The following WIPF1 variants were observed in gnomAD, a reference collection of about 807,000 sequenced individuals.
The protein encoded by WIPF1 is WAS/WASL interacting protein family member 1.
A neutral mutation model predicts 35.4 loss-of-function variants in WIPF1; 13 were observed. That is an observed-to-expected ratio of 0.37 (90% CI 0.24 to 0.58). WIPF1 has a LOEUF of 0.58. WIPF1 is among the 20% of genes least tolerant of loss of function. WIPF1 has a pLI of 0.74. For synonymous variants in WIPF1, 267 were observed against 266.3 expected, an observed-to-expected ratio of 1.00 and a Z score of -0.02; for missense variants, 591 against 667.0, an observed-to-expected ratio of 0.89 and a Z score of 1.25.
At chr2:174,637,347 T>C (rs991334501) in intron 1 of WIPF1, among the ~76,000 whole-genome samples, 20 of 152,258 alleles carry the variant, frequency 1.3e-4, no homozygotes, top group African/African-American at 4.8e-4. Context: ...TTTCTTTTTT[T>C]GTTTTGTTTT....
intron 1 of WIPF1, among the ~76,000 whole-genome samples, chr2:174,679,444 A>G (rs1688205805): frequency 6.6e-6 from 1 of 151,430 alleles, no homozygotes; most frequent in South Asian, 2.1e-4. Context: ...CTCCAGCCTG[A>G]GCAACAGAGT....
rs779554096 is a variant in WIPF1 at position 174,581,444 on chromosome 2, A to AATC, written c.52-6_52-5insGAT. On this transcript the variant is annotated splice_region_variant and splice_polypyrimidine_tract_variant and intron_variant, in intron 2 of 7. Coordinates refer to ENST00000679041, the MANE Select transcript of WIPF1 (RefSeq NM_001375834.1). ...GGTAGGCTTCTCTGTATTGGCCTGA[A>AATC]AGGGAGCCATACAAACAAGTAGTCA... is the stretch of plus-strand genomic sequence containing the variant. 1.9e-6 allele frequency: 3 copies of AATC among 1,613,084 alleles called. No homozygotes were observed. In the South Asian group the frequency reaches 3.3e-5, roughly 18 times the overall value.
intron 7 of WIPF1, among the ~76,000 whole-genome samples, chr2:174,564,855 T>G (rs1006726898): frequency 7.8e-6 from 1 of 128,836 alleles, no homozygotes. Context: ...ACACACACCA[T>G]TCAAAGATAT....
In WIPF1 at chr2:174,595,109, A is replaced by AATATATATATATATATAT. The variant is rs1158052520; in HGVS notation, c.-39+2474_-39+2491dup. On this transcript the variant is annotated intron_variant, in intron 1 of 7. Transcript: ENST00000679041. The stretch of plus-strand genomic sequence containing the variant: ...TCTACAAAAAAAAAAAAAAAAAAAA[A>AATATATATATATATATAT]ATATATATATATATATATATATATA... Among the ~76,000 whole-genome samples, 4 of 57,750 alleles carry AATATATATATATATATAT rather than the reference A, an allele frequency of 6.9e-5. 1 individual carries two copies. The highest frequency in any genetic ancestry group is 9.0e-5 in the African/African-American group (1 of 11,152). 37.9% of individuals were successfully genotyped at this position (57,750 alleles called of 152,430 possible). A position where few individuals can be genotyped will look rare whatever the true frequency, so the allele number is the denominator to read the frequency against.
intron 1 of WIPF1, among the ~76,000 whole-genome samples, chr2:174,675,348 T>G (rs1285242259): frequency 1.3e-5 from 2 of 149,760 alleles, no homozygotes; most frequent in Non-Finnish European, 2.9e-5. Context: ...CAATGTAATT[T>G]TTATTTTTAT....
chr2:174,595,109 A>AATATATATATATAT (rs1158052520), intron 1 of WIPF1, among the ~76,000 whole-genome samples: 5 of 57,752 alleles, frequency 8.7e-5, no homozygotes, highest in African/African-American at 2.7e-4. Flanking sequence ...AAAAAAAAAA[A>AATATATATATATAT]ATATATATAT....
intron 5 of WIPF1, 66 bp from the exon 6 acceptor site, chr2:174,568,139 G>C: frequency 6.6e-7 from 1 of 1,513,684 alleles, no homozygotes; most frequent in Non-Finnish European, 8.9e-7. Flanking sequence ...GGTCACCATT[G>C]GTGTACAGCT....
At chr2:174,601,490 A>AG (rs968319350), upstream of WIPF1, among the ~76,000 whole-genome samples, 12 of 152,184 alleles carry the variant, frequency 7.9e-5, no homozygotes, top group Admixed American at 5.2e-4. Flanking sequence ...TCAGAAAGGA[A>AG]GGGGGGGAAA....
At chr2:174,606,166 A>C (rs1686156662) in intron 1 of WIPF1, among the ~76,000 whole-genome samples, 1 of 152,162 alleles carries the variant, frequency 6.6e-6, no homozygotes, top group African/African-American at 2.4e-5. Context: ...CCTTTTTTCT[A>C]GATCAGCACT....
intron 5 of WIPF1, among the ~76,000 whole-genome samples, chr2:174,569,511 C>T (rs1684766167): frequency 1.3e-5 from 2 of 152,186 alleles, no homozygotes; most frequent in African/African-American, 4.8e-5. Flanking sequence ...TACGTAACTT[C>T]ATCTCATTTT....
chr2:174,595,140 A>ATATATATATAT (rs1260140362), intron 1 of WIPF1, among the ~76,000 whole-genome samples: 10 of 128,502 alleles, frequency 7.8e-5, no homozygotes, highest in South Asian at 2.5e-4. Context: ...ATATATATAT[A>ATATATATATAT]ATTAACTGGG....
At chr2:174,589,015 C>T (rs1011006214) in intron 1 of WIPF1, among the ~76,000 whole-genome samples, 1 of 152,212 alleles carries the variant, frequency 6.6e-6, no homozygotes, top group Non-Finnish European at 1.5e-5. Context: ...TCCCTTCTAG[C>T]TGAACAACTG....
At chr2:174,598,751 CT>C (rs772461046), upstream of WIPF1, among the ~76,000 whole-genome samples, 212 of 152,176 alleles carry the variant, frequency 1.4e-3, 1 homozygote, top group Non-Finnish European at 2.5e-3. Flanking sequence ...AACAGTAACT[CT>C]CCTAGAAGAT....
At chr2:174,662,729 G>A (rs1271512746) in intron 1 of WIPF1, among the ~76,000 whole-genome samples, 2 of 152,130 alleles carry the variant, frequency 1.3e-5, no homozygotes, top group African/African-American at 2.4e-5. Flanking sequence ...TGGACCAGAA[G>A]CTTCTACACA....
At chr2:174,602,721 T>C (rs1365331170), upstream of WIPF1, among the ~76,000 whole-genome samples, 2 of 152,150 alleles carry the variant, frequency 1.3e-5, no homozygotes, top group Admixed American at 6.5e-5. Context: ...CTCAGAAACA[T>C]AGATAAATTA....
In WIPF1 at chr2:174,671,728, T is replaced by C. The variant is rs142598601; in HGVS notation, c.-39+11046A>G. On this transcript the variant is annotated intron_variant, in intron 1 of 8. Coordinates refer to the WIPF1 transcript ENST00000272746. Reference sequence around the variant, plus strand: ...GGATAAAATAAGCCCCGGTCTCCCGTAGCGCTCCCAGGCCTATTAGGACGA... The same window carrying C: ...GGATAAAATAAGCCCCGGTCTCCCGCAGCGCTCCCAGGCCTATTAGGACGA... Among the ~76,000 whole-genome samples the C allele has an allele frequency of 2.8e-3, 419 of 152,250 alleles. 1 individual carries two copies. The highest frequency in any genetic ancestry group is 9.5e-3 in the African/African-American group (395 of 41,558).
chr2:174,598,404 T>C (rs1015931809), upstream of WIPF1, among the ~76,000 whole-genome samples: 2 of 152,142 alleles, frequency 1.3e-5, no homozygotes, highest in African/African-American at 4.8e-5. Flanking sequence ...CCTGACCTCC[T>C]GGGTTCGAGC....
chr2:174,614,935 T>A (rs1191134667), intron 1 of WIPF1, among the ~76,000 whole-genome samples: 1 of 152,208 alleles, frequency 6.6e-6, no homozygotes, highest in Non-Finnish European at 1.5e-5. Context: ...TTCTCAGAAG[T>A]TCTAAGATGC....
chr2:174,670,863 TG>T (rs1688002159), intron 1 of WIPF1, among the ~76,000 whole-genome samples: 2 of 146,312 alleles, frequency 1.4e-5, no homozygotes, highest in African/African-American at 4.9e-5. Flanking sequence ...TACAGTCACC[TG>T]GTTAGGCATA....
Sources: allele counts gnomAD v4.1 joint callset (sites outside exome capture counted in the v4.1 genomes callset), GRCh38; gene constraint gnomAD v4.1.1; transcripts MANE v1.5; gene names NCBI Gene and HGNC (gene_info 2026-07-23, HGNC 2026-07-21).